Variants in MYO1H observed in about 807,000 individuals in gnomAD.
MYO1H encodes myosin IH, also known as unconventional myosin-Ih.
A neutral mutation model predicts 149.3 loss-of-function variants in MYO1H; 118 were observed. The observed-to-expected ratio is 0.79, with a 90% CI of 0.68 to 0.92. The LOEUF is 0.92. MYO1H is among the 40% of genes least tolerant of loss of function. The pLI, the probability that MYO1H is intolerant of heterozygous loss-of-function variation, is 0.00. For missense variants in MYO1H, 1,212 were observed against 1,280.7 expected (o/e 0.95, Z 0.82); for synonymous variants, 447 against 465.2 (o/e 0.96, Z 0.50).
rs1869733060 is a variant in MYO1H at position 109,393,183 on chromosome 12, A to C, written c.175-148A>C. ...CAGCTGTTTGTCTGCTGTCTCCCTC[A>C]TACACCTGCCATGTAAGCTCCCAGC... is the stretch of plus-strand genomic sequence containing the variant. On this transcript the variant is annotated intron_variant, in intron 2 of 31. Coordinates refer to ENST00000310903, the Ensembl canonical transcript of MYO1H. 7 of 615,548 alleles carry C rather than the reference A, an allele frequency of 1.1e-5. No individual in the cohort carries two copies. In the Admixed American group the frequency reaches 1.3e-4, roughly 11 times the overall value. 38.1% of individuals were successfully genotyped at this position (615,548 alleles called of 1,614,324 possible).
At chr12:109,431,436 A>G (rs1871614482) in intron 19 of MYO1H, among the ~76,000 whole-genome samples, 2 of 152,174 alleles carry the variant, frequency 1.3e-5, no homozygotes, top group South Asian at 4.1e-4. Context: ...CATATTGGGA[A>G]CACCACTGCT....
At chr12:109,322,819 C>CA in the MYO1H span, among the ~76,000 whole-genome samples, 2,021 of 76,694 alleles carry the variant, frequency 0.026, 38 homozygotes, top group South Asian at 0.055. Flanking sequence ...GACTCCGTCT[C>CA]AAAAAAAAAA....
chr12:109,369,072 C>G (rs1360080466), intron 1 of MYO1H, among the ~76,000 whole-genome samples: 1 of 151,536 alleles, frequency 6.6e-6, no homozygotes, highest in African/African-American at 2.4e-5. Context: ...ACTGCAAATT[C>G]TGCCTCCTGG....
intron 12 of MYO1H, 44 bp downstream of exon 12, chr12:109,410,112 G>A: frequency 1.0e-6 from 1 of 964,802 alleles, no homozygotes; most frequent in Non-Finnish European, 1.5e-6. Flanking sequence ...TCTTCATCTA[G>A]CTAAAGACTT....
chr12:109,424,519 G>T (rs10774692), intron 16 of MYO1H, among the ~76,000 whole-genome samples: 50,297 of 152,024 alleles, frequency 0.33, 8,478 homozygotes, highest in Admixed American at 0.4. Context: ...GGACAATGTC[G>T]GAGAAAAAAC....
chr12:109,415,435 C>T, intron 14 of MYO1H, 91 bp from the exon 15 acceptor site: 5 of 1,186,468 alleles, frequency 4.2e-6, no homozygotes, highest in Non-Finnish European at 5.9e-6. Context: ...AAGATTGTGC[C>T]ACTGCACTCC....
chr12:109,411,090 T>C (rs891878915), intron 13 of MYO1H, among the ~76,000 whole-genome samples: 4 of 152,016 alleles, frequency 2.6e-5, no homozygotes, highest in Admixed American at 6.6e-5. Flanking sequence ...TGCAGTGAGC[T>C]GAGATCATAC....
the MYO1H span, among the ~76,000 whole-genome samples, chr12:109,318,966 G>GTTTTTTTTT: frequency 3.3e-5 from 2 of 61,236 alleles, no homozygotes; most frequent in Non-Finnish European, 5.7e-5. Context: ...CTGCGTTTTT[G>GTTTTTTTTT]GTTTTGTTTT....
At chr12:109,401,038 A>G (rs1353480241) in intron 5 of MYO1H, 55 bp from the exon 6 acceptor site, 3 of 1,517,982 alleles carry the variant, frequency 2.0e-6, no homozygotes, top group Admixed American at 1.7e-5. Flanking sequence ...AGGAGATGCC[A>G]GGAAGAGAGT....
intron 1 of MYO1H, among the ~76,000 whole-genome samples, chr12:109,356,694 T>C (rs1262373010): frequency 6.6e-6 from 1 of 152,172 alleles, no homozygotes; most frequent in Non-Finnish European, 1.5e-5. Context: ...TGAACTGCTC[T>C]CATTTTTACT....
At chr12:109,333,878 A>G in the MYO1H span, among the ~76,000 whole-genome samples, 2 of 151,466 alleles carry the variant, frequency 1.3e-5, no homozygotes, top group African/African-American at 2.4e-5. Flanking sequence ...CACCTCATGA[A>G]CCCTCCTACC....
At chr12:109,419,989 A>T (rs2135571875) in intron 15 of MYO1H, among the ~76,000 whole-genome samples, 1 of 152,290 alleles carries the variant, frequency 6.6e-6, no homozygotes, top group East Asian at 1.9e-4. Context: ...CCTGGAAATG[A>T]CATGTCTGTC....
chr12:109,346,138 G>A (rs190716033), upstream of MYO1H, among the ~76,000 whole-genome samples: 64 of 152,266 alleles, frequency 4.2e-4, no homozygotes, highest in Admixed American at 4.1e-3. Context: ...TCATCTGTAT[G>A]AAGATGTACA....
intron 15 of MYO1H, among the ~76,000 whole-genome samples, chr12:109,419,703 A>T (rs1307123740): frequency 6.6e-6 from 1 of 151,826 alleles, no homozygotes; most frequent in Non-Finnish European, 1.5e-5. Context: ...ATGCACCACC[A>T]CACGCAGCTA....
intron 2 of MYO1H, among the ~76,000 whole-genome samples, chr12:109,390,126 G>T (rs983106866): frequency 6.6e-6 from 1 of 151,924 alleles, no homozygotes; most frequent in Non-Finnish European, 1.5e-5. Context: ...AGTAATATGG[G>T]GTTTTATTGA....
chr12:109,396,246 T>A, intron 3 of MYO1H, 138 bp from the exon 4 acceptor site: 1 of 665,252 alleles, frequency 1.5e-6, no homozygotes, highest in East Asian at 2.8e-5. Flanking sequence ...TGATATGTGT[T>A]TGAGCTCATT....
chr12:109,360,129 T>A (rs1366008719), intron 1 of MYO1H, among the ~76,000 whole-genome samples: 1 of 151,718 alleles, frequency 6.6e-6, no homozygotes, highest in Non-Finnish European at 1.5e-5. Context: ...TTTTTTTTTT[T>A]ATTTCCTGGA....
chr12:109,374,191 A>G (rs1421444840), intron 1 of MYO1H, among the ~76,000 whole-genome samples: 6 of 152,182 alleles, frequency 3.9e-5, no homozygotes, highest in African/African-American at 1.2e-4. Flanking sequence ...TCTATCCTGA[A>G]TTGGCCTGTT....
chr12:109,353,678 G>C (rs777949528), intron 1 of MYO1H, among the ~76,000 whole-genome samples: 4 of 152,054 alleles, frequency 2.6e-5, no homozygotes, highest in Non-Finnish European at 5.9e-5. Context: ...ACAATAAGCA[G>C]TCTTGCTCTG....
Sources: gnomAD v4.1 joint callset for allele counts (sites outside exome capture counted in the v4.1 genomes callset) on GRCh38, gnomAD v4.1.1 for gene constraint, MANE v1.5 for transcripts, NCBI Gene and HGNC (gene_info 2026-07-23, HGNC 2026-07-21) for gene names.